Variants in PTPRD observed in about 807,000 individuals in gnomAD.
PTPRD encodes the protein receptor-type tyrosine-protein phosphatase delta.
In PTPRD, 34 loss-of-function variants were observed where a neutral mutation model predicts 214.5. That is an observed-to-expected ratio of 0.16 (90% CI 0.12 to 0.21). The LOEUF is 0.21. Among genes scored for constraint, PTPRD ranks in the 10% least tolerant of loss-of-function variants. The probability of loss-of-function intolerance (pLI) is 1.00; values close to 1 mark genes in which losing one functional copy is unlikely to be tolerated. For missense variants in PTPRD, 2,545 were observed against 2,398.7 expected (o/e 1.06, Z -1.27); for synonymous variants, 1,128 against 845.7 (o/e 1.33, Z -5.79).
Position 10,612,957 on chromosome 9 carries a change from T to C in PTPRD, c.-977A>G, listed in dbSNP as rs2081373220. 6.6e-6 allele frequency among the ~76,000 whole-genome samples: 1 copy of C among 150,864 alleles called. No individual in the cohort carries two copies. The highest frequency in any genetic ancestry group is 1.5e-5 in the Non-Finnish European group (1 of 67,684). On this transcript the variant is annotated 5_prime_UTR_variant, in exon 1 of 46. Transcript: ENST00000381196. Reference sequence around the variant, plus strand: ...GGAGCCGAGGCGGCCGCTCCCGCACTCGCTCGCTCGCTCGCTGGCGCTCCC... The same window carrying C: ...GGAGCCGAGGCGGCCGCTCCCGCACCCGCTCGCTCGCTCGCTGGCGCTCCC...
intron 2 of PTPRD, among the ~76,000 whole-genome samples, chr9:10,510,946 G>A (rs2784594): frequency 0.99 from 150,377 of 152,224 alleles, 74,297 homozygotes; most frequent in East Asian, 1. Context: ...GACTGGGAAC[G>A]TAAGACATTT....
At position 8,341,072 on chromosome 9, in the gene PTPRD, G is replaced by A; in HGVS notation, c.5126+18C>T. The A allele has an allele frequency of 6.4e-7, 1 of 1,562,700 alleles. No individual in the cohort carries two copies. Reference sequence around the variant, plus strand: ...AAATATCAAGGCTTTGGATAGTCAGGGGAGCAAAAGTAGATACCTGTATCC... The same window carrying A: ...AAATATCAAGGCTTTGGATAGTCAGAGGAGCAAAAGTAGATACCTGTATCC... On this transcript the variant is annotated intron_variant, in intron 41 of 45. Transcript: ENST00000381196.
chr9:8,680,294 C>T (rs544583489), intron 12 of PTPRD, among the ~76,000 whole-genome samples: 1 of 152,232 alleles, frequency 6.6e-6, no homozygotes, highest in Admixed American at 6.5e-5. Flanking sequence ...ACCACCTGTT[C>T]CTCCTTGAAA....
chr9:9,464,052 A>T (rs950159251), intron 8 of PTPRD, among the ~76,000 whole-genome samples: 1 of 152,028 alleles, frequency 6.6e-6, no homozygotes, highest in Non-Finnish European at 1.5e-5. Flanking sequence ...TTTATTCCCA[A>T]CTATATTAAC....
intron 13 of PTPRD, 43 bp downstream of exon 13, chr9:8,636,656 G>A (rs765147253): frequency 6.2e-7 from 1 of 1,606,350 alleles, no homozygotes. Flanking sequence ...AGACAGAGCA[G>A]ATACATTCTT....
intron 11 of PTPRD, among the ~76,000 whole-genome samples, chr9:8,931,290 T>G (rs201350281): frequency 1.3e-5 from 2 of 151,914 alleles, no homozygotes; most frequent in Admixed American, 1.3e-4. Context: ...GGTATTATTT[T>G]TGAGGGCTCT....
At chr9:10,078,284 GGGCAGATT>G (rs1374615550) in intron 3 of PTPRD, among the ~76,000 whole-genome samples, 1 of 150,960 alleles carries the variant, frequency 6.6e-6, no homozygotes, top group African/African-American at 2.4e-5. Flanking sequence ...AGGCTGAGGT[GGGCAGATT>G]GCGAGGTCAG....
At position 9,899,384 on chromosome 9, in the gene PTPRD, T is replaced by C. The variant is rs62533750; in HGVS notation, c.-368+39123A>G. ...AAAATAATAATAATTTATTTAACAATGGGCAAAGAATGTGAATCGATATTT... is the reference window on the plus strand; with the variant it reads ...AAAATAATAATAATTTATTTAACAACGGGCAAAGAATGTGAATCGATATTT... On this transcript the variant is annotated intron_variant, in intron 5 of 45. Transcript: ENST00000381196. Among the ~76,000 whole-genome samples, 235 of 152,170 alleles carry C rather than the reference T, an allele frequency of 1.5e-3. 2 individuals are homozygous for C. Among genetic ancestry groups the C allele is most frequent in the Non-Finnish European group, 2.8e-3 (189 of 67,970 alleles).
At chr9:9,209,382 C>T (rs556961850) in intron 9 of PTPRD, among the ~76,000 whole-genome samples, 3 of 152,190 alleles carry the variant, frequency 2.0e-5, no homozygotes, top group African/African-American at 7.2e-5. Context: ...TATCAATCAG[C>T]CTCACTGTGT....
rs76639296 is a variant in PTPRD at position 9,825,748 on chromosome 9, G to A, written c.-367-58897C>T. Among the ~76,000 whole-genome samples the A allele has an allele frequency of 2.4e-3, 371 of 151,662 alleles. 2 individuals carry two copies. Among genetic ancestry groups the A allele is most frequent in the African/African-American group, 8.6e-3 (357 of 41,416 alleles). ...TCTGAATATAACCTTTTTGGTTCAC[G>A]TAACTCTCATTTTCTTTCTTCATGT... is the stretch of plus-strand genomic sequence containing the variant. On this transcript the variant is annotated intron_variant, in intron 5 of 45. Coordinates refer to ENST00000381196, the MANE Select transcript of PTPRD (RefSeq NM_002839.4).
intron 12 of PTPRD, among the ~76,000 whole-genome samples, chr9:8,648,114 G>A (rs138573554): frequency 2.0e-5 from 3 of 152,272 alleles, no homozygotes; most frequent in Non-Finnish European, 2.9e-5. Flanking sequence ...AGACCATAAC[G>A]TGGGTCAGAG....
At chr9:10,446,064 G>A (rs554605021) in intron 2 of PTPRD, among the ~76,000 whole-genome samples, 1 of 152,004 alleles carries the variant, frequency 6.6e-6, no homozygotes, top group African/African-American at 2.4e-5. Context: ...TCCAGAGCGG[G>A]GAAGTACCCA....
At chr9:9,494,830 G>C (rs960867661) in intron 8 of PTPRD, among the ~76,000 whole-genome samples, 3 of 152,070 alleles carry the variant, frequency 2.0e-5, no homozygotes, top group Non-Finnish European at 4.4e-5. Flanking sequence ...ATTCATATGG[G>C]ATTTCAAGGG....
At chr9:8,775,431 T>C (rs774111525) in intron 11 of PTPRD, among the ~76,000 whole-genome samples, 16 of 151,976 alleles carry the variant, frequency 1.1e-4, no homozygotes, top group Admixed American at 2.6e-4. Flanking sequence ...CTGCATAATA[T>C]GTAGAGCAAA....
intron 12 of PTPRD, among the ~76,000 whole-genome samples, chr9:8,709,002 A>G (rs1367082797): frequency 6.6e-6 from 1 of 152,128 alleles, no homozygotes; most frequent in Non-Finnish European, 1.5e-5. Flanking sequence ...AGGCACAAAA[A>G]GACAAATACT....
intron 9 of PTPRD, among the ~76,000 whole-genome samples, chr9:9,204,604 G>A (rs554701805): frequency 1.3e-5 from 2 of 152,170 alleles, no homozygotes; most frequent in South Asian, 4.1e-4. Flanking sequence ...CAGATGAAAT[G>A]TTTACATTGC....
intron 12 of PTPRD, among the ~76,000 whole-genome samples, chr9:8,676,332 T>C (rs1459640831): frequency 6.6e-6 from 1 of 151,350 alleles, no homozygotes; most frequent in Non-Finnish European, 1.5e-5. Context: ...AGCTTTCTCA[T>C]CTATCACACC....
At chr9:10,549,585 A>T (rs1393052777) in intron 2 of PTPRD, among the ~76,000 whole-genome samples, 2 of 152,106 alleles carry the variant, frequency 1.3e-5, no homozygotes, top group Admixed American at 6.5e-5. Flanking sequence ...AGAACTTGAC[A>T]CAGATCATTA....
intron 8 of PTPRD, among the ~76,000 whole-genome samples, chr9:9,445,662 C>G (rs962203682): frequency 2.6e-5 from 4 of 152,204 alleles, no homozygotes; most frequent in Admixed American, 1.3e-4. Flanking sequence ...AGAATTCAAT[C>G]ACTATCACGA....
Sources: allele counts gnomAD v4.1 joint callset (sites outside exome capture counted in the v4.1 genomes callset), GRCh38; gene constraint gnomAD v4.1.1; transcripts MANE v1.5; gene names NCBI Gene and HGNC (gene_info 2026-07-23, HGNC 2026-07-21).